The following PRLR variants were observed in gnomAD, a reference collection of about 807,000 sequenced individuals.
PRLR encodes the protein hPRL receptor.
A neutral mutation model predicts 40.2 loss-of-function variants in PRLR; 13 were observed. The ratio of observed to expected loss-of-function variants is 0.32; its 90% CI spans 0.21 to 0.51. The LOEUF is 0.51. Among genes scored for constraint, PRLR ranks in the 20% least tolerant of loss-of-function variants. The pLI is 0.97. For synonymous variants in PRLR, 269 were observed against 278.7 expected, an observed-to-expected ratio of 0.97 and a Z score of 0.35; for missense variants, 656 against 747.3, an observed-to-expected ratio of 0.88 and a Z score of 1.42.
intron 1 of PRLR, among the ~76,000 whole-genome samples, chr5:35,146,960 T>TAC (rs150756013): frequency 2.0e-5 from 3 of 151,570 alleles, no homozygotes; most frequent in East Asian, 1.9e-4. Context: ...CACACACACA[T>TAC]ACACACACAC....
chr5:35,132,142 G>T (rs1452630480), intron 1 of PRLR, among the ~76,000 whole-genome samples: 1 of 152,112 alleles, frequency 6.6e-6, no homozygotes, highest in Non-Finnish European at 1.5e-5. Flanking sequence ...ATTTTATTCA[G>T]GGGTAATTGA....
intron 1 of PRLR, among the ~76,000 whole-genome samples, chr5:35,197,012 C>T (rs1157442478): frequency 6.6e-6 from 1 of 152,158 alleles, no homozygotes; most frequent in Non-Finnish European, 1.5e-5. Context: ...CTCCCAAAGG[C>T]TCCATTATAT....
At chr5:35,049,548 C>T in intron 8 of PRLR, 2 of 595,308 alleles carry the variant, frequency 3.4e-6, no homozygotes, top group Admixed American at 5.9e-5. Context: ...CAAACTCAAG[C>T]CTAGAATTGC....
intron 1 of PRLR, among the ~76,000 whole-genome samples, chr5:35,191,102 G>A (rs1452046393): frequency 9.6e-5 from 7 of 73,120 alleles, no homozygotes; most frequent in East Asian, 3.9e-4. Context: ...ACGGAGTCTC[G>A]CTCTGTCGCC....
At chr5:35,078,645 A>G (rs1290981118) in intron 5 of PRLR, among the ~76,000 whole-genome samples, 1 of 152,190 alleles carries the variant, frequency 6.6e-6, no homozygotes, top group African/African-American at 2.4e-5. Context: ...AGGAGCTGGT[A>G]CCATTCCTTC....
intron 2 of PRLR, among the ~76,000 whole-genome samples, 175 bp from the exon 3 acceptor site, chr5:35,089,838 A>G (rs1306834999): frequency 1.5e-4 from 23 of 152,206 alleles, no homozygotes; most frequent in Non-Finnish European, 1.5e-5. Context: ...GCACAGAAAC[A>G]TCAATTCACA....
intron 1 of PRLR, among the ~76,000 whole-genome samples, chr5:35,186,631 A>G (rs1610219): frequency 6.6e-6 from 1 of 152,090 alleles, no homozygotes; most frequent in Non-Finnish European, 1.5e-5. Flanking sequence ...CCTTTAACTA[A>G]AAGATAATGG....
At chr5:35,055,041 T>C (rs1768646259), downstream of PRLR, among the ~76,000 whole-genome samples, 1 of 152,200 alleles carries the variant, frequency 6.6e-6, no homozygotes, top group African/African-American at 2.4e-5. Flanking sequence ...TGTGGGTAAA[T>C]GAGCCTTTGT....
chr5:35,190,495 C>T (rs1775571029), intron 1 of PRLR, among the ~76,000 whole-genome samples: 1 of 151,982 alleles, frequency 6.6e-6, no homozygotes, highest in African/African-American at 2.4e-5. Context: ...ATCCTAGCTA[C>T]TCGGAAGTCT....
intron 1 of PRLR, among the ~76,000 whole-genome samples, chr5:35,179,098 A>C (rs190847459): frequency 1.3e-5 from 2 of 152,240 alleles, no homozygotes; most frequent in East Asian, 1.9e-4. Context: ...ACAGAATCCC[A>C]ACTACTCCTG....
intron 5 of PRLR, among the ~76,000 whole-genome samples, chr5:35,082,714 A>G (rs1770598869): frequency 6.6e-6 from 1 of 152,178 alleles, no homozygotes; most frequent in African/African-American, 2.4e-5. Flanking sequence ...TCTGTACTGC[A>G]GGTTATTGCT....
intron 1 of PRLR, among the ~76,000 whole-genome samples, chr5:35,206,792 G>C (rs1776032018): frequency 6.6e-6 from 1 of 151,728 alleles, no homozygotes; most frequent in Admixed American, 6.6e-5. Context: ...TGGCAAAAGA[G>C]AGATCAAACA....
Position 35,203,561 on chromosome 5 carries a change from A to G in PRLR, c.-106+26707T>C, listed in dbSNP as rs1775935588. ...CTTTGGACCCAATGTCATTCTTCCT[A>G]TCTGTGGCCTGAAGGAGAGGGGTAG... On this transcript the variant is annotated intron_variant, in intron 1 of 9. Transcript: ENST00000618457. Among the ~76,000 whole-genome samples the G allele has an allele frequency of 2.6e-5, 4 of 152,172 alleles. No individual in the cohort carries two copies. In the South Asian group the frequency reaches 8.3e-4, roughly 32 times the overall value.
chr5:35,051,014 C>G (rs1255623585), downstream of PRLR, among the ~76,000 whole-genome samples: 1 of 152,112 alleles, frequency 6.6e-6, no homozygotes, highest in Non-Finnish European at 1.5e-5. Context: ...GATACTGTAA[C>G]CCTTAGAATT....
chr5:35,085,461 G>A (rs1050206271), intron 4 of PRLR, among the ~76,000 whole-genome samples: 45 of 152,288 alleles, frequency 3.0e-4, no homozygotes, highest in African/African-American at 9.4e-4. Context: ...CACTGTCAGC[G>A]TAACAAAATG....
intron 1 of PRLR, among the ~76,000 whole-genome samples, chr5:35,126,709 T>C (rs771054055): frequency 3.3e-5 from 5 of 152,202 alleles, no homozygotes; most frequent in Non-Finnish European, 7.3e-5. Flanking sequence ...TATCTATTGC[T>C]ACCTTTTGCT....
At chr5:35,167,702 A>G (rs1208768083) in intron 1 of PRLR, among the ~76,000 whole-genome samples, 2 of 152,114 alleles carry the variant, frequency 1.3e-5, no homozygotes, top group East Asian at 3.8e-4. Context: ...GATGCTAACT[A>G]AAGGACTAAG....
rs146405483 is a variant in PRLR at position 35,184,894 on chromosome 5, T to C, written c.-106+45374A>G. 4.2e-4 allele frequency among the ~76,000 whole-genome samples: 64 copies of C among 152,382 alleles called. 1 individual carries two copies. The East Asian group carries it at 0.012, about 28-fold the overall frequency. ...TAAGTTTAGCATAGTGCCACACATA[T>C]AGTAAATGCTCAACAAATATAGGTG... is the stretch of plus-strand genomic sequence containing the variant. On this transcript the variant is annotated intron_variant, in intron 1 of 9. Transcript: ENST00000618457.
chr5:35,132,703 C>T (rs912979346), intron 1 of PRLR, among the ~76,000 whole-genome samples: 14 of 152,174 alleles, frequency 9.2e-5, no homozygotes, highest in Admixed American at 7.9e-4. Flanking sequence ...AGGCAGAAGG[C>T]TACATGTCCT....
Sources: gnomAD v4.1 joint callset for allele counts (sites outside exome capture counted in the v4.1 genomes callset) on GRCh38, gnomAD v4.1.1 for gene constraint, MANE v1.5 for transcripts, NCBI Gene and HGNC (gene_info 2026-07-23, HGNC 2026-07-21) for gene names.